The following ZFAT variants were observed in gnomAD, a reference collection of about 807,000 sequenced individuals.
ZFAT encodes zinc finger protein ZFAT.
In ZFAT, 64 loss-of-function variants were observed where a neutral mutation model predicts 117.7. The ratio of observed to expected loss-of-function variants is 0.54; its 90% CI spans 0.44 to 0.67. The LOEUF (loss-of-function observed/expected upper bound fraction) is 0.67. ZFAT is among the 30% of genes least tolerant of loss of function. The pLI, the probability that ZFAT is intolerant of heterozygous loss-of-function variation, is 0.00. For synonymous variants in ZFAT, 679 were observed against 615.0 expected (o/e 1.10, Z -1.54); for missense variants, 1,433 against 1,584.5 (o/e 0.90, Z 1.62).
chr8:134,810,270 A>G, the ZFAT span, among the ~76,000 whole-genome samples: 1 of 152,230 alleles, frequency 6.6e-6, no homozygotes, highest in Non-Finnish European at 1.5e-5. Flanking sequence ...CTTCAGTCTC[A>G]ATATATAAGC....
At chr8:134,598,275 T>C (rs949151364) in intron 7 of ZFAT, 10 of 152,176 alleles carry the variant, frequency 6.6e-5, no homozygotes, top group Middle Eastern at 3.2e-3. Flanking sequence ...AGAAGTAATA[T>C]GAGAATTAAG....
chr8:134,606,102 A>T (rs1827871058), intron 5 of ZFAT, among the ~76,000 whole-genome samples: 1 of 152,220 alleles, frequency 6.6e-6, no homozygotes, highest in East Asian at 1.9e-4. Flanking sequence ...CGGTGCCTGC[A>T]ATAAGAGACT....
At chr8:134,628,826 G>C (rs1357412944) in intron 3 of ZFAT, among the ~76,000 whole-genome samples, 1 of 152,182 alleles carries the variant, frequency 6.6e-6, no homozygotes, top group African/African-American at 2.4e-5. Flanking sequence ...CTACCTCATA[G>C]GGCTTTTATG....
At chr8:134,516,030 G>T (rs987301664) in intron 13 of ZFAT, among the ~76,000 whole-genome samples, 3 of 152,168 alleles carry the variant, frequency 2.0e-5, no homozygotes, top group African/African-American at 4.8e-5. Context: ...TCTAAATGAG[G>T]TTCACACATT....
the ZFAT span, among the ~76,000 whole-genome samples, chr8:134,779,069 A>G: frequency 2.6e-5 from 4 of 152,130 alleles, no homozygotes; most frequent in African/African-American, 7.2e-5. Flanking sequence ...CACTATAAGA[A>G]ATATTTGAAA....
At chr8:134,778,724 GAA>G in the ZFAT span, among the ~76,000 whole-genome samples, 1 of 152,206 alleles carries the variant, frequency 6.6e-6, no homozygotes, top group Non-Finnish European at 1.5e-5. Context: ...AGATTTCTAG[GAA>G]AAGATTATAT....
chr8:134,522,026 C>T (rs957871475), intron 12 of ZFAT, among the ~76,000 whole-genome samples: 3 of 152,250 alleles, frequency 2.0e-5, no homozygotes, highest in Admixed American at 6.5e-5. Context: ...CCAGTGCTTC[C>T]GCAGCATCCT....
chr8:134,727,247 T>A, the ZFAT span, among the ~76,000 whole-genome samples: 1 of 152,110 alleles, frequency 6.6e-6, no homozygotes, highest in Non-Finnish European at 1.5e-5. Flanking sequence ...TAGGCGACAT[T>A]TGAGCTGAAA....
intron 7 of ZFAT, among the ~76,000 whole-genome samples, chr8:134,592,370 G>C (rs377311514): frequency 2.0e-5 from 3 of 152,148 alleles, no homozygotes; most frequent in Non-Finnish European, 4.4e-5. Context: ...ACACTACACC[G>C]AGGGCAGAGC....
At chr8:134,730,694 A>G in the ZFAT span, among the ~76,000 whole-genome samples, 2 of 152,318 alleles carry the variant, frequency 1.3e-5, no homozygotes, top group South Asian at 2.1e-4. Context: ...TTGGAGTTCA[A>G]ATGACTAAAG....
At chr8:134,561,038 T>C (rs1824012047) in intron 11 of ZFAT, among the ~76,000 whole-genome samples, 1 of 152,260 alleles carries the variant, frequency 6.6e-6, no homozygotes, top group South Asian at 2.1e-4. Flanking sequence ...TTGTGAATTC[T>C]CAGATGTTTG....
chr8:134,715,955 A>T (rs1208655231), upstream of ZFAT, among the ~76,000 whole-genome samples: 5 of 152,122 alleles, frequency 3.3e-5, no homozygotes, highest in African/African-American at 9.7e-5. Context: ...GGATACATAC[A>T]GGCGACCTCA....
chr8:134,757,338 A>G, the ZFAT span, among the ~76,000 whole-genome samples: 3 of 152,090 alleles, frequency 2.0e-5, no homozygotes, highest in African/African-American at 7.2e-5. Flanking sequence ...CTTTAGAGGC[A>G]TATTTCCTGA....
In ZFAT at chr8:134,537,437, G is replaced by GT. The variant is rs1231843129; in HGVS notation, c.2977-4466dup. 2.6e-5 allele frequency among the ~76,000 whole-genome samples: 4 copies of GT among 152,238 alleles called. No individual in the cohort carries two copies. In the East Asian group the frequency reaches 7.7e-4, roughly 29 times the overall value. Reference sequence around the variant, plus strand: ...TGGACATAAGGTGGCCCAGATCTAAGTATCAACCTCTAGACCGAGGAATCG... The same window carrying GT: ...TGGACATAAGGTGGCCCAGATCTAAGTTATCAACCTCTAGACCGAGGAATCG... On this transcript the variant is annotated intron_variant, in intron 11 of 15. Transcript: ENST00000377838.
At chr8:134,771,408 T>C in the ZFAT span, among the ~76,000 whole-genome samples, 2 of 152,172 alleles carry the variant, frequency 1.3e-5, no homozygotes, top group African/African-American at 4.8e-5. Flanking sequence ...TCAGATACCC[T>C]AAATCATCTC....
intron 11 of ZFAT, among the ~76,000 whole-genome samples, chr8:134,557,026 C>T (rs1009672310): frequency 7.9e-5 from 12 of 151,682 alleles, no homozygotes; most frequent in African/African-American, 2.9e-4. Flanking sequence ...AAAATAACAA[C>T]ACTATATTGA....
Position 134,499,319 on chromosome 8 carries a change from A to T in ZFAT, c.3492+10300T>A, listed in dbSNP as rs528324181. ...GGTTACACACAGAGCCTGATTTGGT[A>T]GGGTCGGGGTGGAGCTGGGATGCCC... On this transcript the variant is annotated intron_variant, in intron 15 of 15. Coordinates refer to ENST00000377838, the MANE Select transcript of ZFAT (RefSeq NM_020863.4). Among the ~76,000 whole-genome samples the T allele has an allele frequency of 1.8e-4, 25 of 138,246 alleles. No individual in the cohort carries two copies. The South Asian group carries it at 4.3e-3, about 24-fold the overall frequency. 90.7% of individuals were successfully genotyped at this position (138,246 alleles called of 152,430 possible). A position where few individuals can be genotyped will look rare whatever the true frequency, so the allele number is the denominator to read the frequency against.
intron 3 of ZFAT, among the ~76,000 whole-genome samples, chr8:134,627,382 G>A (rs141835673): frequency 6.6e-6 from 1 of 152,310 alleles, no homozygotes; most frequent in East Asian, 1.9e-4. Context: ...ATGGCTCCAA[G>A]GTTTCCAATT....
rs1462799190 is a variant in ZFAT at position 134,610,097 on chromosome 8, CT to C, written c.634+372del. Among the ~76,000 whole-genome samples the C allele has an allele frequency of 4.5e-4, 68 of 152,290 alleles. 1 individual carries two copies. In the East Asian group the frequency reaches 7.3e-3, roughly 16 times the overall value. Reference sequence around the variant, plus strand: ...GCCTGCATGCGTCTGGCTGAATGGGCTGGCCTCACATGCAGGACAGCATGGC... The same window carrying C: ...GCCTGCATGCGTCTGGCTGAATGGGCGGCCTCACATGCAGGACAGCATGGC... On this transcript the variant is annotated intron_variant, in intron 4 of 15. Transcript: ENST00000377838.
Sources: gnomAD v4.1 joint callset for allele counts (sites outside exome capture counted in the v4.1 genomes callset) on GRCh38, gnomAD v4.1.1 for gene constraint, MANE v1.5 for transcripts, NCBI Gene and HGNC (gene_info 2026-07-23, HGNC 2026-07-21) for gene names.